Variants in EYS observed in about 807,000 individuals in gnomAD.
EYS encodes the protein EGF-like photoreceptor maintenance factor.
A neutral mutation model predicts 282.1 loss-of-function variants in EYS; 250 were observed. The observed-to-expected ratio is 0.89, with a 90% CI of 0.80 to 0.98. EYS has a LOEUF of 0.98. Ranked by LOEUF, EYS falls within the 50% of genes least tolerant of loss-of-function variation. The pLI, the probability that EYS is intolerant of heterozygous loss-of-function variation, is 0.00. For synonymous variants in EYS, 1,355 were observed against 1,282.9 expected (o/e 1.06, Z -1.20); for missense variants, 4,016 against 3,709.0 (o/e 1.08, Z -2.15).
intron 26 of EYS, among the ~76,000 whole-genome samples, chr6:64,564,991 A>T (rs564036868): frequency 2.0e-5 from 3 of 152,022 alleles, no homozygotes; most frequent in Admixed American, 1.3e-4. Flanking sequence ...AGAAATGTGT[A>T]TTCAGATCCT....
intron 5 of EYS, among the ~76,000 whole-genome samples, chr6:65,450,974 A>G (rs1316976510): frequency 6.6e-6 from 1 of 152,150 alleles, no homozygotes; most frequent in Non-Finnish European, 1.5e-5. Context: ...TTCATGGGTC[A>G]GAGATACTGC....
intron 28 of EYS, among the ~76,000 whole-genome samples, chr6:64,393,353 C>T (rs1173460601): frequency 6.6e-6 from 1 of 152,178 alleles, no homozygotes; most frequent in Non-Finnish European, 1.5e-5. Context: ...GACCAATATC[C>T]TTGATGAACA....
rs1350039474 is a variant in EYS at position 63,799,077 on chromosome 6, G to A, written c.7411+7113C>T. On this transcript the variant is annotated intron_variant, in intron 37 of 42. Coordinates refer to ENST00000503581, the MANE Select transcript of EYS (RefSeq NM_001142800.2). ...TCACCCAGCTGGAGTGCAATGGCAC[G>A]ATCTCAGCTTACCACAACCTCCGCC... Among the ~76,000 whole-genome samples, 7 of 142,534 alleles carry A rather than the reference G, an allele frequency of 4.9e-5. No individual in the cohort carries two copies. In the East Asian group the frequency reaches 1.0e-3, roughly 21 times the overall value. 93.5% of individuals were successfully genotyped at this position (142,534 alleles called of 152,430 possible).
intron 12 of EYS, among the ~76,000 whole-genome samples, chr6:65,233,271 T>C (rs1231318698): frequency 2.0e-5 from 3 of 152,142 alleles, no homozygotes; most frequent in Non-Finnish European, 2.9e-5. Flanking sequence ...AAGTGGGATA[T>C]TTTCGGTAAT....
intron 28 of EYS, among the ~76,000 whole-genome samples, chr6:64,409,642 T>C (rs1362937268): frequency 6.6e-6 from 1 of 152,182 alleles, no homozygotes; most frequent in Non-Finnish European, 1.5e-5. Flanking sequence ...TATTAGAATC[T>C]GAAAAAATGC....
chr6:65,146,271 C>A (rs1252717164), intron 12 of EYS, among the ~76,000 whole-genome samples: 1 of 151,772 alleles, frequency 6.6e-6, no homozygotes, highest in African/African-American at 2.4e-5. Flanking sequence ...TTCAAAATCA[C>A]CTCATTAGGA....
intron 27 of EYS, among the ~76,000 whole-genome samples, chr6:64,436,471 G>C (rs1429418795): frequency 1.3e-5 from 2 of 151,772 alleles, no homozygotes; most frequent in African/African-American, 4.8e-5. Flanking sequence ...GTATTATATA[G>C]ATATAAATAC....
Position 64,296,577 on chromosome 6 carries a change from TA to T in EYS, c.6191+10392del. Among the ~76,000 whole-genome samples, 81 of 8,272 alleles carry T rather than the reference TA, an allele frequency of 9.8e-3. 2 individuals carry two copies. The highest frequency in any genetic ancestry group is 0.026 in the African/African-American group (77 of 3,016). 5.4% of individuals were successfully genotyped at this position (8,272 alleles called of 152,430 possible). Reference sequence around the variant, plus strand: ...ATATATATATATATATATATATATATATATATACATATATATATATATTTTT... The same window carrying T: ...ATATATATATATATATATATATATATTATATACATATATATATATATTTTT... On this transcript the variant is annotated intron_variant, in intron 30 of 42. Transcript: ENST00000503581.
intron 11 of EYS, chr6:65,331,330 C>T (rs1157971336): frequency 5.7e-6 from 4 of 697,126 alleles, no homozygotes; most frequent in African/African-American, 5.7e-5. Context: ...TTTCATTGAG[C>T]TTAGTGGTAT....
chr6:65,373,830 T>A (rs755006088), intron 8 of EYS, among the ~76,000 whole-genome samples: 30 of 152,244 alleles, frequency 2.0e-4, no homozygotes, highest in South Asian at 1.7e-3. Context: ...AAATTTACTT[T>A]AGATATTTCT....
At chr6:63,904,403 A>G (rs1244137174) in intron 35 of EYS, among the ~76,000 whole-genome samples, 2 of 152,164 alleles carry the variant, frequency 1.3e-5, no homozygotes, top group African/African-American at 4.8e-5. Flanking sequence ...CAATGTATCC[A>G]TGCCCGATAG....
chr6:65,206,515 C>G (rs1280001086), intron 12 of EYS, among the ~76,000 whole-genome samples: 1 of 151,668 alleles, frequency 6.6e-6, no homozygotes, highest in East Asian at 1.9e-4. Flanking sequence ...GAAGGGATTC[C>G]TCCCTAACTC....
intron 35 of EYS, among the ~76,000 whole-genome samples, chr6:63,964,963 C>T (rs1766237370): frequency 1.3e-5 from 2 of 152,190 alleles, no homozygotes; most frequent in Admixed American, 1.3e-4. Flanking sequence ...GAATACTTTG[C>T]ACATTTGCTT....
intron 33 of EYS, among the ~76,000 whole-genome samples, chr6:64,012,713 C>T (rs1768697239): frequency 6.6e-6 from 1 of 152,046 alleles, no homozygotes; most frequent in Non-Finnish European, 1.5e-5. Flanking sequence ...TTTCATACAG[C>T]CCTATCAACA....
chr6:63,978,961 G>C (rs953792685), intron 35 of EYS, among the ~76,000 whole-genome samples: 1 of 151,864 alleles, frequency 6.6e-6, no homozygotes, highest in African/African-American at 2.4e-5. Flanking sequence ...TGTTCACATG[G>C]GGTACTGAGA....
At chr6:65,018,117 A>G (rs1384897594) in intron 13 of EYS, among the ~76,000 whole-genome samples, 2 of 152,176 alleles carry the variant, frequency 1.3e-5, no homozygotes, top group Non-Finnish European at 1.5e-5. Flanking sequence ...GTGATCGATA[A>G]AAAAACACAC....
intron 2 of EYS, among the ~76,000 whole-genome samples, chr6:65,515,360 A>G (rs13196982): frequency 0.095 from 14,440 of 152,150 alleles, 870 homozygotes; most frequent in South Asian, 0.18. Context: ...AAACTAGTTC[A>G]ACCATTGTGG....
chr6:64,505,505 C>T (rs1777179141), intron 26 of EYS, among the ~76,000 whole-genome samples: 1 of 152,162 alleles, frequency 6.6e-6, no homozygotes, highest in South Asian at 2.1e-4. Flanking sequence ...CTCAATGATG[C>T]GCCCCCTAGA....
At chr6:64,502,698 GT>G (rs201955823) in intron 26 of EYS, among the ~76,000 whole-genome samples, 117 of 140,748 alleles carry the variant, frequency 8.3e-4, no homozygotes, top group African/African-American at 2.6e-3. Context: ...TGACAGTTTT[GT>G]TTTTTTTTTA....
Sources: allele counts gnomAD v4.1 joint callset (sites outside exome capture counted in the v4.1 genomes callset), GRCh38; gene constraint gnomAD v4.1.1; transcripts MANE v1.5; gene names NCBI Gene and HGNC (gene_info 2026-07-23, HGNC 2026-07-21).